The following CHD7 variants were observed in gnomAD, a reference collection of about 807,000 sequenced individuals.
CHD7 encodes the protein chromodomain helicase DNA binding protein 7, also known as ATP-dependent chromatin remodeler CHD7.
A neutral mutation model predicts 307.3 loss-of-function variants in CHD7; 24 were observed. The observed-to-expected ratio is 0.08, with a 90% CI of 0.06 to 0.11. CHD7 has a LOEUF of 0.11. Among genes scored for constraint, CHD7 ranks in the 10% least tolerant of loss-of-function variants. CHD7 has a pLI of 1.00. For missense variants in CHD7, 3,106 were observed against 3,727.1 expected, an observed-to-expected ratio of 0.83 and a Z score of 4.34; for synonymous variants, 1,363 against 1,349.9, an observed-to-expected ratio of 1.01 and a Z score of -0.21.
intron 1 of CHD7, among the ~76,000 whole-genome samples, chr8:60,735,994 G>A (rs75602294): frequency 0.041 from 6,271 of 152,274 alleles, 179 homozygotes; most frequent in Non-Finnish European, 0.066. Flanking sequence ...ACACAGCACC[G>A]TCATAGAGTA....
At chr8:60,788,481 T>A (rs1811607641) in intron 3 of CHD7, among the ~76,000 whole-genome samples, 2 of 152,226 alleles carry the variant, frequency 1.3e-5, no homozygotes, top group Non-Finnish European at 2.9e-5. Context: ...TATTAATAAT[T>A]CTTCATTGAA....
chr8:60,816,880 G>C (rs1803773635), intron 8 of CHD7, among the ~76,000 whole-genome samples: 1 of 152,204 alleles, frequency 6.6e-6, no homozygotes, highest in African/African-American at 2.4e-5. Context: ...ACTTCTGTTG[G>C]GGAAAGTATG....
chr8:60,837,740 T>A lies in CHD7; in HGVS notation c.4258T>A (p.Tyr1420Asn). ...KIYRLITRNS[Y>N]EREMFDKASL... The stretch of plus-strand genomic sequence containing the variant: ...CTACAGGCTGATTACAAGAAATTCC[T>A]ATGAAAGGGAAATGTTCGACAAGGC... Residue 1420 changes from tyrosine to asparagine, a missense_variant, in exon 18 of 38, where the codon TAT becomes AAT. Around this residue, in one of 10 missense-constraint regions of CHD7, gnomAD observed 93 missense variants for 176.4 expected, o/e 0.53. Transcript: ENST00000423902. 1 of 1,610,752 alleles carries A rather than the reference T, an allele frequency of 6.2e-7. No homozygotes were observed. Among genetic ancestry groups the A allele is most frequent in the Non-Finnish European group, 8.5e-7 (1 of 1,178,216 alleles).
intron 1 of CHD7, among the ~76,000 whole-genome samples, chr8:60,725,372 G>T (rs1808114734): frequency 1.3e-5 from 2 of 152,226 alleles, no homozygotes; most frequent in African/African-American, 4.8e-5. Context: ...CCGGAATTCT[G>T]AGTAGTATCC....
In CHD7 at chr8:60,800,455, A is replaced by G. The variant is rs780863604; in HGVS notation, c.2306A>G (p.Asp769Gly). The G allele has an allele frequency of 6.2e-7, 1 of 1,613,912 alleles. No individual in the cohort carries two copies. Among genetic ancestry groups the G allele is most frequent in the Non-Finnish European group, 8.5e-7 (1 of 1,179,830 alleles). ...YTEDLEFKIS[D>G]EEADDADAAG... Reference sequence around the variant, plus strand: ...GAAGACCTGGAGTTCAAGATTTCTGATGAGGAGGCAGATGATGCAGATGCT... The same window carrying G: ...GAAGACCTGGAGTTCAAGATTTCTGGTGAGGAGGCAGATGATGCAGATGCT... Residue 769 changes from aspartate (D) to glycine (G), a missense_variant, in exon 5 of 38, where the codon GAT becomes GGT. By Grantham distance (94) the Asp-to-Gly change is moderately conservative. This residue lies in a region of CHD7 where 998 missense variants were observed against 1,004.5 expected (regional missense o/e 0.99). Coordinates refer to ENST00000423902, the MANE Select transcript of CHD7 (RefSeq NM_017780.4).
intron 23 of CHD7, among the ~76,000 whole-genome samples, chr8:60,845,889 C>A (rs1345970538): frequency 1.3e-5 from 2 of 152,220 alleles, no homozygotes; most frequent in Non-Finnish European, 2.9e-5. Context: ...ACTTGCCTGG[C>A]CCCTGGCAAT....
At chr8:60,745,643 T>G (rs1318848470) in intron 2 of CHD7, among the ~76,000 whole-genome samples, 1 of 152,234 alleles carries the variant, frequency 6.6e-6, no homozygotes, top group East Asian at 1.9e-4. Context: ...TGCTTTCTTA[T>G]TTCTGCTTAA....
At chr8:60,682,995 A>G (rs1034982875) in intron 1 of CHD7, among the ~76,000 whole-genome samples, 1 of 152,246 alleles carries the variant, frequency 6.6e-6, no homozygotes, top group Non-Finnish European at 1.5e-5. Context: ...GGAACATCTT[A>G]GGTGATATTA....
intron 8 of CHD7, 44 bp from the exon 9 acceptor site, chr8:60,819,963 G>A: frequency 7.7e-7 from 1 of 1,297,226 alleles, no homozygotes; most frequent in South Asian, 1.3e-5. Context: ...TTTCATCTTA[G>A]GAAATAAGTA....
intron 28 of CHD7, 27 bp downstream of exon 28, chr8:60,851,346 C>A (rs751414647): frequency 1.3e-6 from 2 of 1,533,320 alleles, no homozygotes; most frequent in South Asian, 2.4e-5. Flanking sequence ...GCTTGTGTAG[C>A]CGAGCAGACG....
intron 13 of CHD7, 152 bp downstream of exon 13, chr8:60,824,168 G>C (rs1804167926): frequency 2.9e-6 from 2 of 685,636 alleles, no homozygotes; most frequent in East Asian, 5.3e-5. Context: ...TTATTCAAAA[G>C]TTGTTGCCTT....
At position 60,800,091 on chromosome 8, in the gene CHD7, C is replaced by G. The variant is rs112239241; in HGVS notation, c.2239-297C>G. Among the ~76,000 whole-genome samples, 1,375 of 151,692 alleles carry G rather than the reference C, an allele frequency of 9.1e-3. 8 individuals carry two copies. Among genetic ancestry groups the G allele is most frequent in the Non-Finnish European group, 0.014 (968 of 67,966 alleles). On this transcript the variant is annotated intron_variant, in intron 4 of 37. Coordinates refer to ENST00000423902, the MANE Select transcript of CHD7 (RefSeq NM_017780.4). Reference sequence around the variant, plus strand: ...TGTCGTCCAGACTGCAGTGCAGTGGCGAAATCTCGGCTCACTGCAAGCTCC... The same window carrying G: ...TGTCGTCCAGACTGCAGTGCAGTGGGGAAATCTCGGCTCACTGCAAGCTCC...
chr8:60,799,135 T>C (rs1812173002), intron 4 of CHD7, among the ~76,000 whole-genome samples: 2 of 152,250 alleles, frequency 1.3e-5, no homozygotes, highest in African/African-American at 2.4e-5. Context: ...ATCGATGAAC[T>C]GCACGTCTAA....
intron 15 of CHD7, among the ~76,000 whole-genome samples, chr8:60,834,663 A>G (rs909856504): frequency 3.9e-5 from 6 of 152,232 alleles, no homozygotes; most frequent in Non-Finnish European, 5.9e-5. Context: ...CTGCCTTCAT[A>G]AGAAGTCAGT....
In CHD7 at chr8:60,865,264, C is replaced by G. The variant is rs2129761150; in HGVS notation, c.8325C>G (p.Phe2775Leu). 7.5e-6 allele frequency: 12 copies of G among 1,607,508 alleles called. No individual in the cohort carries two copies. Among genetic ancestry groups the G allele is most frequent in the Non-Finnish European group, 1.0e-5 (12 of 1,177,110 alleles). Residue 2775 changes from phenylalanine to leucine, a missense_variant, in exon 38 of 38, where the codon TTC becomes TTG. By Grantham distance (22) the Phe-to-Leu change is conservative. Transcript: ENST00000423902. The surrounding 1 kb of genome is among the most constrained non-coding windows in gnomAD (Gnocchi z 4.3). The part of the protein sequence containing the change: ...QSLQLAGLMG[F>L]PPGLATAATA... Reference sequence around the variant, plus strand: ...TCCAGCTGGCAGGCCTCATGGGCTTCCCTCCAGGACTGGCAACAGCTGCCA... The same window carrying G: ...TCCAGCTGGCAGGCCTCATGGGCTTGCCTCCAGGACTGGCAACAGCTGCCA...
At chr8:60,845,627 G>T (rs1395582815) in intron 23 of CHD7, among the ~76,000 whole-genome samples, 2 of 152,228 alleles carry the variant, frequency 1.3e-5, no homozygotes, top group Non-Finnish European at 2.9e-5. Flanking sequence ...ACTTTTAAAT[G>T]GTATAGTTAT....
chr8:60,832,630 G>C (rs1288015919), intron 15 of CHD7, among the ~76,000 whole-genome samples: 1 of 152,190 alleles, frequency 6.6e-6, no homozygotes, highest in East Asian at 1.9e-4. Flanking sequence ...ATACAAAAGG[G>C]TTTGAATGCT....
chr8:60,759,236 G>C (rs1346810252), intron 2 of CHD7, among the ~76,000 whole-genome samples: 2 of 152,156 alleles, frequency 1.3e-5, no homozygotes, highest in East Asian at 3.8e-4. Context: ...AAGGTAAAGT[G>C]CAGCTGGGGT....
chr8:60,853,583 C>A, intron 31 of CHD7, 83 bp downstream of exon 31: 1 of 1,043,830 alleles, frequency 9.6e-7, no homozygotes, highest in Non-Finnish European at 1.4e-6. Flanking sequence ...ACGGCACCTG[C>A]TCTTTTTCAC....
Sources: gnomAD v4.1 joint callset for allele counts (sites outside exome capture counted in the v4.1 genomes callset) on GRCh38, gnomAD v4.1.1 for gene constraint, gnomAD v4.1.1 regional missense constraint, Gnocchi (gnomAD v3.1) non-coding constraint, MANE v1.5 for transcripts, NCBI Gene and HGNC (gene_info 2026-07-23, HGNC 2026-07-21) for gene names.